AEN: variants seen among roughly 807,000 people sequenced by gnomAD.
The protein encoded by AEN is apoptosis enhancing nuclease.
A neutral mutation model predicts 17.7 loss-of-function variants in AEN; 21 were observed. The observed-to-expected ratio is 1.19, with a 90% CI of 0.84 to 1.71. AEN has a LOEUF of 1.71. Ranked by LOEUF, AEN falls within the 40% of genes most tolerant of loss-of-function variation. The pLI is 0.00. For missense variants in AEN, 462 were observed against 435.9 expected, an observed-to-expected ratio of 1.06 and a Z score of -0.53; for synonymous variants, 190 against 173.0, an observed-to-expected ratio of 1.10 and a Z score of -0.77.
upstream of AEN, among the ~76,000 whole-genome samples, chr15:88,621,060 G>C (rs1218598679): frequency 6.6e-6 from 1 of 152,224 alleles, no homozygotes; most frequent in Non-Finnish European, 1.5e-5. Flanking sequence ...CCCAGGTAGA[G>C]GAGTGGATTG....
upstream of AEN, among the ~76,000 whole-genome samples, chr15:88,620,115 C>T (rs149707789): frequency 6.6e-6 from 1 of 152,214 alleles, no homozygotes; most frequent in Non-Finnish European, 1.5e-5. Flanking sequence ...TTTGTACTCC[C>T]ATCAGAAAGA....
chr15:88,629,465 G>C lies in AEN; in HGVS notation c.741+39G>C, dbSNP rs773339603. ...GAGTGGCTGGAAGGGAGGGAGGCCC[G>C]CCTGGCCTCCATGCCACCTGAGCCA... is the stretch of plus-strand genomic sequence containing the variant. On this transcript the variant is annotated intron_variant, in intron 3 of 3. Coordinates refer to ENST00000332810, the MANE Select transcript of AEN (RefSeq NM_022767.4). 10 of 1,599,380 alleles carry C rather than the reference G, an allele frequency of 6.3e-6. No individual in the cohort carries two copies. The South Asian group carries it at 7.8e-5, about 12-fold the overall frequency.
Position 88,629,346 on chromosome 15 carries a change from C to G in AEN, c.661C>G (p.Leu221Val). 1 of 1,614,160 alleles carries G rather than the reference C, an allele frequency of 6.2e-7. No individual in the cohort carries two copies. Among genetic ancestry groups the G allele is most frequent in the Middle Eastern group, 1.6e-4 (1 of 6,062 alleles). The change falls in exon 3 of 4, where the codon CTC (leucine) becomes GTC (valine). Residue 221 changes from leucine to valine, a missense_variant. Coordinates refer to ENST00000332810, the MANE Select transcript of AEN (RefSeq NM_022767.4). ...TRDTTYVPNF[L>V]SEPGLHTRAR... is the part of the protein sequence containing the mutation. The stretch of plus-strand genomic sequence containing the variant: ...GGATACGACCTATGTCCCAAACTTC[C>G]TCAGCGAGCCCGGCCTCCACACCCG...
In AEN at chr15:88,629,372, G is replaced by A. The variant is rs1476407084; in HGVS notation, c.687G>A (p.Arg229=). 3 of 1,614,028 alleles carry A rather than the reference G, an allele frequency of 1.9e-6. No homozygotes were observed. The highest frequency in any genetic ancestry group is 1.7e-6 in the Non-Finnish European group (2 of 1,179,984). ...TCAGCGAGCCCGGCCTCCACACCCG[G>A]GCCCGGGTCTCTCTAAAGGACCTGG... ...NFLSEPGLHT[R]ARVSLKDLAL... is the part of the protein sequence containing the mutation. The change falls in exon 3 of 4, where the codon CGG becomes CGA. Residue 229 remains arginine (R), a synonymous_variant. Transcript: ENST00000332810.
chr15:88,619,317 G>T (rs1467426576), upstream of AEN, among the ~76,000 whole-genome samples: 4 of 152,174 alleles, frequency 2.6e-5, no homozygotes, highest in South Asian at 2.1e-4. Context: ...TGAGGAGAGG[G>T]AAGCTGAACC....
the AEN span, among the ~76,000 whole-genome samples, chr15:88,615,715 C>A: frequency 2.6e-5 from 4 of 152,196 alleles, no homozygotes; most frequent in South Asian, 4.1e-4. Context: ...TTCAGTAGGT[C>A]CAACAAACTC....
the AEN span, chr15:88,611,842 C>T: frequency 6.6e-3 from 3,448 of 519,372 alleles, 53 homozygotes; most frequent in South Asian, 0.014. Context: ...CAGAGTGGAC[C>T]GGCTGGCCCC....
chr15:88,629,801 A>G (rs2057903700), intron 3 of AEN, among the ~76,000 whole-genome samples: 1 of 152,116 alleles, frequency 6.6e-6, no homozygotes, highest in Admixed American at 6.5e-5. Flanking sequence ...TGGGCTTCAC[A>G]TTTATTATTC....
chr15:88,606,905 T>C, the AEN span, among the ~76,000 whole-genome samples: 4 of 152,110 alleles, frequency 2.6e-5, no homozygotes, highest in East Asian at 7.7e-4. Context: ...TTTCATTTAG[T>C]CCTTTATACT....
intron 1 of AEN, among the ~76,000 whole-genome samples, chr15:88,622,126 G>T (rs2057795189): frequency 6.6e-6 from 1 of 152,146 alleles, no homozygotes; most frequent in Admixed American, 6.5e-5. Flanking sequence ...TGCCACCGAG[G>T]ATTCTGACTT....
chr15:88,629,564 T>A, intron 3 of AEN, 138 bp downstream of exon 3: 3 of 1,001,466 alleles, frequency 3.0e-6, no homozygotes, highest in South Asian at 1.6e-5. Flanking sequence ...GGACCTTGCT[T>A]AAATGGGTCT....
the AEN span, chr15:88,611,723 A>G: frequency 0.034 from 10,796 of 314,320 alleles, 701 homozygotes; most frequent in African/African-American, 0.16. Context: ...AGATGAACTT[A>G]GTAATAGGAG....
chr15:88,611,792 G>A, the AEN span: 1 of 467,022 alleles, frequency 2.1e-6, no homozygotes, highest in Non-Finnish European at 4.3e-6. Context: ...GCGAGGGGAG[G>A]GGGGTGGTCC....
the AEN span, among the ~76,000 whole-genome samples, chr15:88,607,279 A>G: frequency 2.0e-5 from 3 of 152,250 alleles, no homozygotes; most frequent in Admixed American, 6.5e-5. Context: ...TAGCAAATAC[A>G]GCACCTAAAG....
upstream of AEN, chr15:88,621,159 G>C (rs150233359): frequency 1.3e-5 from 2 of 152,306 alleles, no homozygotes; most frequent in South Asian, 2.1e-4. Context: ...CAGTATGGCC[G>C]GCTCGCAGCA....
At chr15:88,621,986 T>A (rs764457031) in intron 1 of AEN, among the ~76,000 whole-genome samples, 6 of 152,142 alleles carry the variant, frequency 3.9e-5, no homozygotes, top group Admixed American at 3.9e-4. Context: ...GAAGCCCTTA[T>A]CTAATTCACA....
At chr15:88,621,577 G>C (rs188843509) in intron 1 of AEN, 195 bp downstream of exon 1, 1,965 of 152,438 alleles carry the variant, frequency 0.013, 35 homozygotes, top group African/African-American at 0.038. Context: ...CTGCTCGGGG[G>C]TCCAGGGCCA....
Position 88,629,427 on chromosome 15 carries a change from G to A in AEN, c.741+1G>A. 1 of 1,612,928 alleles carries A rather than the reference G, an allele frequency of 6.2e-7. No individual in the cohort carries two copies. Among genetic ancestry groups the A allele is most frequent in the Non-Finnish European group, 8.5e-7 (1 of 1,179,160 alleles). ...GCAGCTGCTGCACAAGAAGATCCAG[G>A]TGCGTGGTGGGAGAGTGGCTGGAAG... On this transcript the variant is annotated splice_donor_variant, in intron 3 of 3. Transcript: ENST00000332810. LOFTEE classifies it high-confidence loss of function.
intron 2 of AEN, chr15:88,628,375 G>A (rs1484357948): frequency 6.6e-6 from 1 of 152,140 alleles, no homozygotes; most frequent in Non-Finnish European, 1.5e-5. Flanking sequence ...TGGTGATAAG[G>A]AGAGCCCAAG....
Sources: allele counts gnomAD v4.1 joint callset (sites outside exome capture counted in the v4.1 genomes callset), GRCh38; gene constraint gnomAD v4.1.1; transcripts MANE v1.5; gene names NCBI Gene and HGNC (gene_info 2026-07-23, HGNC 2026-07-21).